Variants in ANO2 observed in about 807,000 individuals in gnomAD.
ANO2 encodes anoctamin 2, also known as anoctamin-2.
Under a neutral mutation model 124.2 loss-of-function variants are expected in ANO2, and 101 were observed. The ratio of observed to expected loss-of-function variants is 0.81; its 90% CI spans 0.69 to 0.96. The LOEUF (loss-of-function observed/expected upper bound fraction) is 0.96, where lower values mean the gene tolerates loss of function less well. Ranked by LOEUF, ANO2 falls within the 40% of genes least tolerant of loss-of-function variation. The pLI is 0.00. For synonymous variants in ANO2, 486 were observed against 482.5 expected, an observed-to-expected ratio of 1.01 and a Z score of -0.09; for missense variants, 1,293 against 1,274.5, an observed-to-expected ratio of 1.01 and a Z score of -0.22.
At chr12:5,811,795 C>G (rs1326386285) in intron 7 of ANO2, among the ~76,000 whole-genome samples, 1 of 152,172 alleles carries the variant, frequency 6.6e-6, no homozygotes, top group South Asian at 2.1e-4. Flanking sequence ...ACTTCCACCA[C>G]AATGCAGTAC....
chr12:5,819,716 C>A (rs1953723299), intron 7 of ANO2, among the ~76,000 whole-genome samples: 1 of 152,220 alleles, frequency 6.6e-6, no homozygotes, highest in African/African-American at 2.4e-5. Flanking sequence ...TTTGTGAGGG[C>A]AGCACCTGCA....
intron 19 of ANO2, among the ~76,000 whole-genome samples, chr12:5,601,246 A>T (rs1352930712): frequency 1.3e-5 from 2 of 152,310 alleles, no homozygotes; most frequent in East Asian, 3.9e-4. Context: ...TGTTAAGAGC[A>T]TGTACCAAGA....
chr12:5,662,102 C>T (rs572735304), intron 14 of ANO2, among the ~76,000 whole-genome samples: 1 of 152,358 alleles, frequency 6.6e-6, no homozygotes, highest in African/African-American at 2.4e-5. Context: ...GAACTTCAGA[C>T]CCACTGCACT....
chr12:5,640,490 G>A (rs991222190), intron 15 of ANO2, among the ~76,000 whole-genome samples: 2 of 152,054 alleles, frequency 1.3e-5, no homozygotes, highest in African/African-American at 4.8e-5. Context: ...CTGACAAAGG[G>A]CTAATATCCT....
At chr12:5,863,562 G>A (rs984181617) in intron 3 of ANO2, among the ~76,000 whole-genome samples, 2 of 152,144 alleles carry the variant, frequency 1.3e-5, no homozygotes, top group African/African-American at 4.8e-5. Context: ...AGGAGAGAAG[G>A]ATAGACTTTA....
chr12:5,675,308 A>G (rs1393431533), intron 14 of ANO2, among the ~76,000 whole-genome samples: 1 of 152,144 alleles, frequency 6.6e-6, no homozygotes, highest in African/African-American at 2.4e-5. Flanking sequence ...ATCTCTTCCC[A>G]TCGTGCTTCC....
intron 15 of ANO2, among the ~76,000 whole-genome samples, chr12:5,637,606 A>C (rs1015884724): frequency 6.6e-6 from 1 of 152,120 alleles, no homozygotes. Context: ...GCGGAATCTC[A>C]AGCACAACTC....
intron 14 of ANO2, among the ~76,000 whole-genome samples, chr12:5,661,670 C>T (rs1947450336): frequency 6.6e-6 from 1 of 152,114 alleles, no homozygotes; most frequent in Admixed American, 6.6e-5. Flanking sequence ...CACTGGGTCC[C>T]ACTTTAGCTA....
chr12:5,889,178 C>A (rs556757637), intron 3 of ANO2, among the ~76,000 whole-genome samples: 7 of 152,208 alleles, frequency 4.6e-5, no homozygotes, highest in African/African-American at 1.7e-4. Flanking sequence ...ACCCAGAACT[C>A]GCGCTGGCCC....
At chr12:5,860,720 C>T (rs535400863) in intron 3 of ANO2, among the ~76,000 whole-genome samples, 93 of 152,242 alleles carry the variant, frequency 6.1e-4, no homozygotes, top group African/African-American at 2.1e-3. Context: ...ATCTAAAGAT[C>T]GTGGAGGGCC....
chr12:5,724,241 T>C (rs1950345053), intron 14 of ANO2, among the ~76,000 whole-genome samples: 1 of 152,080 alleles, frequency 6.6e-6, no homozygotes, highest in African/African-American at 2.4e-5. Flanking sequence ...GCCTCAGTGT[T>C]TCCCTTTGCC....
At chr12:5,827,398 A>T (rs182883604) in intron 7 of ANO2, among the ~76,000 whole-genome samples, 5 of 152,342 alleles carry the variant, frequency 3.3e-5, no homozygotes, top group African/African-American at 1.2e-4. Flanking sequence ...AGGCTGGACT[A>T]AAGGACCTCT....
At chr12:5,777,970 T>C (rs1411993150) in intron 10 of ANO2, among the ~76,000 whole-genome samples, 1 of 152,190 alleles carries the variant, frequency 6.6e-6, no homozygotes, top group Non-Finnish European at 1.5e-5. Flanking sequence ...AGGGATGGTG[T>C]CCAGCTGTTC....
At chr12:5,698,162 G>A (rs907680557) in intron 14 of ANO2, among the ~76,000 whole-genome samples, 12 of 152,176 alleles carry the variant, frequency 7.9e-5, no homozygotes, top group Non-Finnish European at 1.2e-4. Context: ...AGTGGGTCCC[G>A]GACTCCCGAG....
chr12:5,563,391 G>T lies in ANO2; in HGVS notation c.2905C>A (p.Arg969=). The change falls in exon 25 of 25, where the codon CGA becomes AGA. Residue 969 remains arginine (R), a synonymous_variant. Coordinates refer to ENST00000682330, the MANE Select transcript of ANO2 (RefSeq NM_001364791.2). ...PALRSPGGGD[R]SRSRAASSAP... is the part of the protein sequence containing the mutation. ...GAGCTGGCTGCCCGGCTCCTGCTTC[G>T]ATCCCCACCTCCTGGGCTCCTCAGA... is the stretch of plus-strand genomic sequence containing the variant. 6.2e-7 allele frequency: 1 copy of T among 1,607,952 alleles called. No homozygotes were observed. The highest frequency in any genetic ancestry group is 1.1e-5 in the South Asian group (1 of 90,108).
intron 3 of ANO2, among the ~76,000 whole-genome samples, chr12:5,872,895 A>T (rs1245193825): frequency 2.0e-5 from 3 of 152,186 alleles, no homozygotes; most frequent in Admixed American, 6.5e-5. Flanking sequence ...AACACCTTTC[A>T]TGGGACCATT....
At chr12:5,882,174 A>G (rs746456661) in intron 3 of ANO2, among the ~76,000 whole-genome samples, 2 of 152,210 alleles carry the variant, frequency 1.3e-5, no homozygotes, top group Non-Finnish European at 2.9e-5. Flanking sequence ...ATTTTATCTG[A>G]CCTTCATCAA....
intron 14 of ANO2, among the ~76,000 whole-genome samples, chr12:5,714,775 C>T (rs978660441): frequency 6.6e-6 from 1 of 152,172 alleles, no homozygotes; most frequent in Admixed American, 6.5e-5. Flanking sequence ...GGATTCACAA[C>T]GTGCGATAGT....
intron 4 of ANO2, chr12:5,851,816 A>G (rs1339565248): frequency 4.5e-6 from 3 of 673,312 alleles, no homozygotes; most frequent in East Asian, 2.7e-5. Context: ...TGAGAGTAGA[A>G]AGACGGGAAG....
Sources: gnomAD v4.1 joint callset for allele counts (sites outside exome capture counted in the v4.1 genomes callset) on GRCh38, gnomAD v4.1.1 for gene constraint, MANE v1.5 for transcripts, NCBI Gene and HGNC (gene_info 2026-07-23, HGNC 2026-07-21) for gene names.